The following JAZF1 variants were observed in gnomAD, a reference collection of about 807,000 sequenced individuals.
The protein encoded by JAZF1 is juxtaposed with another zinc finger protein 1.
In JAZF1, 8 loss-of-function variants were observed where a neutral mutation model predicts 26.4. That is an observed-to-expected ratio of 0.30 (90% CI 0.18 to 0.55). The LOEUF (loss-of-function observed/expected upper bound fraction) is 0.55. JAZF1 is among the 20% of genes least tolerant of loss of function. The probability of loss-of-function intolerance (pLI) is 0.94; values close to 1 mark genes in which losing one functional copy is unlikely to be tolerated. For missense variants in JAZF1, 199 were observed against 322.0 expected, an observed-to-expected ratio of 0.62 and a Z score of 2.92; for synonymous variants, 126 against 122.3, an observed-to-expected ratio of 1.03 and a Z score of -0.20.
intron 2 of JAZF1, among the ~76,000 whole-genome samples, chr7:27,958,938 T>C (rs749677860): frequency 6.6e-6 from 1 of 152,170 alleles, no homozygotes; most frequent in African/African-American, 2.4e-5. Context: ...TTGGTTTTAC[T>C]AGCAGTACCA....
chr7:28,072,162 T>C (rs1446514266), intron 1 of JAZF1, among the ~76,000 whole-genome samples: 1 of 152,232 alleles, frequency 6.6e-6, no homozygotes, highest in Non-Finnish European at 1.5e-5. Context: ...TCACACACAG[T>C]TTGCACCTTA....
chr7:28,125,811 T>C (rs890788381), intron 1 of JAZF1, among the ~76,000 whole-genome samples: 5 of 152,206 alleles, frequency 3.3e-5, no homozygotes, highest in African/African-American at 4.8e-5. Context: ...ATGAGATTGC[T>C]GGGCCTTGTG....
intron 1 of JAZF1, among the ~76,000 whole-genome samples, chr7:28,119,264 A>AG (rs1293420397): frequency 6.6e-6 from 1 of 152,142 alleles, no homozygotes. Flanking sequence ...CTTGCAAGTA[A>AG]GTGCCTAATG....
intron 2 of JAZF1, among the ~76,000 whole-genome samples, chr7:27,959,811 A>C (rs1785159757): frequency 6.6e-6 from 1 of 152,058 alleles, no homozygotes; most frequent in Non-Finnish European, 1.5e-5. Context: ...GAGGCAGGAG[A>C]ATCGCTTGAA....
intron 3 of JAZF1, among the ~76,000 whole-genome samples, chr7:27,859,635 C>T (rs1783339667): frequency 6.6e-6 from 1 of 151,896 alleles, no homozygotes; most frequent in Non-Finnish European, 1.5e-5. Flanking sequence ...AACCAAACAC[C>T]ACATGTTCTC....
At chr7:28,036,426 T>C (rs990994033) in intron 1 of JAZF1, among the ~76,000 whole-genome samples, 5 of 152,250 alleles carry the variant, frequency 3.3e-5, no homozygotes, top group Non-Finnish European at 7.3e-5. Flanking sequence ...GAAGTTGTTT[T>C]CCTTGTTTAT....
intron 1 of JAZF1, among the ~76,000 whole-genome samples, chr7:27,996,852 T>C (rs551270384): frequency 6.6e-6 from 1 of 152,334 alleles, no homozygotes; most frequent in East Asian, 1.9e-4. Flanking sequence ...ATGTAAGAGA[T>C]GCAAAGTAAT....
chr7:27,906,080 C>A (rs572608514), intron 2 of JAZF1, among the ~76,000 whole-genome samples: 11 of 152,270 alleles, frequency 7.2e-5, no homozygotes, highest in African/African-American at 2.6e-4. Context: ...GCTGACCAAA[C>A]AGAACTCTTA....
chr7:27,871,218 C>A (rs1440583454), intron 3 of JAZF1, among the ~76,000 whole-genome samples: 2 of 152,172 alleles, frequency 1.3e-5, no homozygotes, highest in African/African-American at 4.8e-5. Context: ...ACAAATGGCT[C>A]ATTTTTCAAA....
intron 2 of JAZF1, among the ~76,000 whole-genome samples, chr7:27,969,031 G>A (rs544896542): frequency 1.2e-4 from 18 of 152,246 alleles, no homozygotes; most frequent in African/African-American, 3.4e-4. Context: ...CTCTTTCTCC[G>A]GGTATCAGGA....
intron 2 of JAZF1, among the ~76,000 whole-genome samples, chr7:27,943,209 A>G (rs1784875749): frequency 6.6e-6 from 1 of 152,122 alleles, no homozygotes; most frequent in Admixed American, 6.5e-5. Flanking sequence ...CTATTAAAAC[A>G]CAGATGTTCA....
At chr7:27,866,671 T>C (rs1583438042) in intron 3 of JAZF1, among the ~76,000 whole-genome samples, 1 of 152,224 alleles carries the variant, frequency 6.6e-6, no homozygotes, top group East Asian at 1.9e-4. Flanking sequence ...CTAACAATAA[T>C]CTAATTCGAA....
chr7:28,120,498 G>GTTTTTTTTTTTTT (rs1345204155), intron 1 of JAZF1, among the ~76,000 whole-genome samples: 1 of 41,068 alleles, frequency 2.4e-5, no homozygotes, highest in African/African-American at 7.4e-5. Context: ...GCCACACACA[G>GTTTTTTTTTTTTT]TTCTTTTTTT....
chr7:28,022,062 C>T (rs893863673), intron 1 of JAZF1, among the ~76,000 whole-genome samples: 9 of 152,162 alleles, frequency 5.9e-5, no homozygotes, highest in African/African-American at 1.9e-4. Flanking sequence ...CTATGAGAGC[C>T]GCACCTGCTA....
chr7:27,967,390 C>T (rs1320064859), intron 2 of JAZF1, among the ~76,000 whole-genome samples: 1 of 152,046 alleles, frequency 6.6e-6, no homozygotes, highest in African/African-American at 2.4e-5. Context: ...ATAGGGACAT[C>T]TTACAGCTTT....
intron 1 of JAZF1, among the ~76,000 whole-genome samples, chr7:28,036,782 G>A (rs1302170525): frequency 2.0e-5 from 3 of 152,234 alleles, no homozygotes. Flanking sequence ...TGGGATGTTG[G>A]GGGTGAGGCT....
rs754014325 is a variant in JAZF1 at position 27,868,156 on chromosome 7, G to A, written c.385+27064C>T. ...GCCTGCCATACTGTCAGCACTAGTC[G>A]TTACTATTTTCACTGGTTGAACAGA... is the stretch of plus-strand genomic sequence containing the variant. On this transcript the variant is annotated intron_variant, in intron 3 of 4. Coordinates refer to ENST00000283928, the MANE Select transcript of JAZF1 (RefSeq NM_175061.4). Among the ~76,000 whole-genome samples, 28 of 152,304 alleles carry A rather than the reference G, an allele frequency of 1.8e-4. 1 individual carries two copies. The highest frequency in any genetic ancestry group is 5.9e-4 in the Admixed American group (9 of 15,308).
intron 1 of JAZF1, among the ~76,000 whole-genome samples, chr7:28,133,276 T>C (rs1373529785): frequency 6.6e-6 from 1 of 152,090 alleles, no homozygotes; most frequent in Non-Finnish European, 1.5e-5. Context: ...GGAATGAGAG[T>C]TTTGACTGAG....
Position 28,103,595 on chromosome 7 carries a change from G to A in JAZF1, c.115+76868C>T, listed in dbSNP as rs1383207251. On this transcript the variant is annotated intron_variant, in intron 1 of 4. Transcript: ENST00000283928. ...TCCAGCCAGTCACCCTCATCTTAGC[G>A]AATGCCAACCAAATCCTTCCAGTTG... is the stretch of plus-strand genomic sequence containing the variant. Among the ~76,000 whole-genome samples, 6 of 152,118 alleles carry A rather than the reference G, an allele frequency of 3.9e-5. No individual in the cohort carries two copies. The South Asian group carries it at 8.3e-4, about 21-fold the overall frequency.
Sources: gnomAD v4.1 joint callset for allele counts (sites outside exome capture counted in the v4.1 genomes callset) on GRCh38, gnomAD v4.1.1 for gene constraint, MANE v1.5 for transcripts, NCBI Gene and HGNC (gene_info 2026-07-23, HGNC 2026-07-21) for gene names.